TGFB1: variants seen among roughly 807,000 people sequenced by gnomAD.
TGFB1 encodes transforming growth factor beta-1 proprotein.
TGFB1 carries 19 observed loss-of-function variants against 43.8 expected under a neutral mutation model. That is an observed-to-expected ratio of 0.43 (90% confidence interval 0.30 to 0.64). TGFB1 has a LOEUF of 0.64. TGFB1 is among the 30% of genes least tolerant of loss of function. TGFB1 has a pLI of 0.11. For synonymous variants in TGFB1, 221 were observed against 236.3 expected, an observed-to-expected ratio of 0.94 and a Z score of 0.60; for missense variants, 445 against 529.8, an observed-to-expected ratio of 0.84 and a Z score of 1.57.
At position 41,348,356 on chromosome 19, in the gene TGFB1, C is replaced by A. The variant is rs765327656; in HGVS notation, c.455G>T (p.Arg152Leu). ...EAVPEPVLLSRAELRLLRLKL... is the reference protein window; with the variant it reads ...EAVPEPVLLSLAELRLLRLKL... ...GAGCCTCAGCAGACGCAGCTCTGCC[C>A]GGGAGAGCAACACGGGTTCAGGTAC... The change falls in exon 2 of 7, where the codon CGG becomes CTG. Residue 152 changes from arginine to leucine, a missense_variant. Around this residue, in one of 3 missense-constraint regions of TGFB1, gnomAD observed 366 missense variants for 428.8 expected, o/e 0.85. Coordinates refer to ENST00000221930, the MANE Select transcript of TGFB1 (RefSeq NM_000660.7). 1.2e-6 allele frequency: 2 copies of A among 1,613,504 alleles called. No homozygotes were observed. The highest frequency in any genetic ancestry group is 8.5e-7 in the Non-Finnish European group (1 of 1,179,800).
chr19:41,352,298 G>A (rs1423953254), intron 1 of TGFB1, among the ~76,000 whole-genome samples: 1 of 150,766 alleles, frequency 6.6e-6, no homozygotes. Flanking sequence ...TGGGGTCTTC[G>A]CTTCTCCCAC....
chr19:41,344,142 A>G (rs572846535), intron 3 of TGFB1, among the ~76,000 whole-genome samples: 1 of 151,936 alleles, frequency 6.6e-6, no homozygotes, highest in African/African-American at 2.4e-5. Flanking sequence ...AACAGCATGC[A>G]TGGCTAATTT....
chr19:41,335,621 A>G (rs1372253468), intron 5 of TGFB1, among the ~76,000 whole-genome samples: 3 of 152,180 alleles, frequency 2.0e-5, no homozygotes, highest in African/African-American at 7.2e-5. Context: ...TTCAGCACAC[A>G]TTCGGGGCCT....
In TGFB1 at chr19:41,353,080, C is replaced by T. The variant is rs200135233; in HGVS notation, c.-36G>A. On this transcript the variant is annotated 5_prime_UTR_variant, in exon 1 of 7. Transcript: ENST00000221930. This position sits in a 1 kb window ranked among gnomAD's most constrained non-coding sequence, Gnocchi z 5.9. Reference sequence around the variant, plus strand: ...GCGCCCCCCGGCACTGCCGAGAGCGCGAACAGGGCTGGTGTGGTGGGGAGG... The same window carrying T: ...GCGCCCCCCGGCACTGCCGAGAGCGTGAACAGGGCTGGTGTGGTGGGGAGG... 9.1e-5 allele frequency: 137 copies of T among 1,497,784 alleles called. No homozygotes were observed. The highest frequency in any genetic ancestry group is 1.1e-4 in the Non-Finnish European group (119 of 1,129,090). 92.8% of individuals were successfully genotyped at this position (1,497,784 alleles called of 1,614,324 possible).
Position 41,352,785 on chromosome 19 carries a change from C to G in TGFB1, c.260G>C (p.Arg87Pro), listed in dbSNP as rs751073303. The change falls in exon 1 of 7, where the codon CGG becomes CCG. Residue 87 changes from arginine to proline, a missense_variant. By Grantham distance (103) the Arg-to-Pro change is moderately radical (BLOSUM62 -2). This residue lies in a region of TGFB1 where 366 missense variants were observed against 428.8 expected (regional missense o/e 0.85). Transcript: ENST00000221930. ...CGGTTCTGCACTCTCCCCGGCCACCCGGTCGCGGGTGCTGTTGTACAGGGC... is the reference window on the plus strand; with the variant it reads ...CGGTTCTGCACTCTCCCCGGCCACCGGGTCGCGGGTGCTGTTGTACAGGGC... ...VLALYNSTRD[R>P]VAGESAEPEP... The G allele has an allele frequency of 6.2e-7, 1 of 1,609,874 alleles. No individual in the cohort carries two copies. The highest frequency in any genetic ancestry group is 1.1e-5 in the South Asian group (1 of 90,748).
Position 41,348,416 on chromosome 19 carries a change from T to G in TGFB1, c.395A>C (p.Tyr132Ser), listed in dbSNP as rs200481365. The G allele has an allele frequency of 6.2e-7, 1 of 1,613,006 alleles. No homozygotes were observed. The highest frequency in any genetic ancestry group is 1.3e-5 in the African/African-American group (1 of 74,798). Residue 132 changes from tyrosine to serine, a missense_variant, in exon 2 of 7, where the codon TAT becomes TCT. Physicochemically the swap from Tyr to Ser is moderately radical, Grantham distance 144. Transcript: ENST00000221930. ...GAGCTCTGATGTGTTGAAGAACATA[T>G]ATATGCTGTGTGTACTCTGCTTGAA... ...DKFKQSTHSI[Y>S]MFFNTSELRE...
intron 5 of TGFB1, among the ~76,000 whole-genome samples, chr19:41,335,234 A>G (rs1358949097): frequency 2.6e-5 from 4 of 151,948 alleles, no homozygotes; most frequent in Non-Finnish European, 5.9e-5. Context: ...TTGTATTTTT[A>G]GTAGAGGCTG....
intron 1 of TGFB1, among the ~76,000 whole-genome samples, chr19:41,351,804 T>TGGGGGGACTCGCTGCTC (rs61023216): frequency 4.6e-5 from 7 of 151,414 alleles, no homozygotes; most frequent in Non-Finnish European, 1.0e-4. Flanking sequence ...CTGCGGGGAA[T>TGGGGGGACTCGCTGCTC]GCAGCGTGGA....
In TGFB1 at chr19:41,353,349, C is replaced by T; in HGVS notation, c.-305G>A. The T allele has an allele frequency of 3.1e-6, 1 of 325,834 alleles. No homozygotes were observed. The highest frequency in any genetic ancestry group is 5.6e-6 in the Non-Finnish European group (1 of 177,462). The allele number at this position is 325,834 out of a possible 1,614,324, so 20.2% of individuals were successfully genotyped here. A position where few individuals can be genotyped will look rare whatever the true frequency, so the allele number is the denominator to read the frequency against. On this transcript the variant is annotated 5_prime_UTR_variant, in exon 1 of 7. Transcript: ENST00000221930. This position sits in a 1 kb window ranked among gnomAD's most constrained non-coding sequence, Gnocchi z 5.9. ...CCTGGAGGAGAAAGGGTCTAGGATG[C>T]GCGGGGGCTCAGGAGACAGGCCGGG...
Position 41,332,146 on chromosome 19 carries a change from C to G in TGFB1, c.996G>C (p.Leu332=). Residue 332 remains leucine (L), a synonymous_variant, in exon 6 of 7, where the codon CTG becomes CTC. Transcript: ENST00000221930. ...GACGTACCTTGCTGTACTGCGTGTC[C>G]AGGCTCCAAATGTAGGGGCAGGGCC... ...CLGPCPYIWS[L]DTQYSKVLAL... is the part of the protein sequence containing the mutation. 1 of 1,614,004 alleles carries G rather than the reference C, an allele frequency of 6.2e-7. No homozygotes were observed. The highest frequency in any genetic ancestry group is 1.1e-5 in the South Asian group (1 of 91,078).
At chr19:41,339,429 A>G (rs1473625906) in intron 5 of TGFB1, among the ~76,000 whole-genome samples, 1 of 150,306 alleles carries the variant, frequency 6.7e-6, no homozygotes, top group Non-Finnish European at 1.5e-5. Context: ...TTCAGGTTTG[A>G]TTTTTTGCCA....
intron 6 of TGFB1, 190 bp downstream of exon 6, chr19:41,331,938 C>A (rs1042138316): frequency 4.1e-6 from 3 of 729,674 alleles, no homozygotes; most frequent in South Asian, 1.9e-5. Flanking sequence ...CCCTCTGGCC[C>A]CTGCTCAGAG....
At position 41,330,976 on chromosome 19, in the gene TGFB1, C is replaced by T; in HGVS notation, c.*76G>A. The T allele has an allele frequency of 1.5e-6, 2 of 1,347,162 alleles. No individual in the cohort carries two copies. Among genetic ancestry groups the T allele is most frequent in the Non-Finnish European group, 2.0e-6 (2 of 1,024,702 alleles). 83.5% of individuals were successfully genotyped at this position (1,347,162 alleles called of 1,614,324 possible). A position where few individuals can be genotyped will look rare whatever the true frequency, so the allele number is the denominator to read the frequency against. Reference sequence around the variant, plus strand: ...GGGGCACGGGTGTCCTTAAATACAGCCCCCATGGGCAAGGCAGCGGGGGCG... The same window carrying T: ...GGGGCACGGGTGTCCTTAAATACAGTCCCCATGGGCAAGGCAGCGGGGGCG... On this transcript the variant is annotated 3_prime_UTR_variant, in exon 7 of 7. Transcript: ENST00000221930.
Position 41,353,064 on chromosome 19 carries a change from G to A in TGFB1, c.-20C>T, listed in dbSNP as rs756013122. The A allele has an allele frequency of 4.6e-6, 7 of 1,511,844 alleles. No homozygotes were observed. The highest frequency in any genetic ancestry group is 1.9e-4 in the Middle Eastern group (1 of 5,320). 93.7% of individuals were successfully genotyped at this position (1,511,844 alleles called of 1,614,324 possible). A position where few individuals can be genotyped will look rare whatever the true frequency, so the allele number is the denominator to read the frequency against. On this transcript the variant is annotated 5_prime_UTR_variant, in exon 1 of 7. Coordinates refer to ENST00000221930, the MANE Select transcript of TGFB1 (RefSeq NM_000660.7). This position sits in a 1 kb window ranked among gnomAD's most constrained non-coding sequence, Gnocchi z 5.9. ...CGGCATGGGGGAGGCGGCGCCCCCC[G>A]GCACTGCCGAGAGCGCGAACAGGGC... is the stretch of plus-strand genomic sequence containing the variant.
chr19:41,348,162 T>C (rs1299184017), intron 2 of TGFB1, 133 bp downstream of exon 2: 45 of 1,005,140 alleles, frequency 4.5e-5, no homozygotes, highest in Non-Finnish European at 6.4e-5. Context: ...TAGGATTGTA[T>C]GGTTTGTGTT....
In TGFB1 at chr19:41,342,206, C is replaced by T. The variant is rs202088345; in HGVS notation, c.676G>A (p.Asp226Asn). The T allele has an allele frequency of 3.1e-6, 5 of 1,607,826 alleles. No individual in the cohort carries two copies. The African/African-American group carries it at 5.4e-5, about 17-fold the overall frequency. The change falls in exon 4 of 7, where the codon GAC (aspartate) becomes AAC (asparagine). Residue 226 changes from aspartate to asparagine, a missense_variant. Physicochemically the swap from Asp to Asn is conservative, Grantham distance 23 (BLOSUM62 1). Coordinates refer to ENST00000221930, the MANE Select transcript of TGFB1 (RefSeq NM_000660.7). ...ACTTGCAGTGTGTTATCCCTGCTGT[C>T]ACAGGAGCAGTGGGCGCTAAGGCGA... Reference protein sequence around the residue: ...GFRLSAHCSCDSRDNTLQVDI... With the variant: ...GFRLSAHCSCNSRDNTLQVDI...
chr19:41,347,849 A>G (rs1372672289), intron 2 of TGFB1, among the ~76,000 whole-genome samples: 2 of 132,592 alleles, frequency 1.5e-5, no homozygotes, highest in Non-Finnish European at 3.2e-5. Context: ...AAAAAAAAAA[A>G]GAGGCCAGGC....
At chr19:41,335,567 G>C (rs998341271) in intron 5 of TGFB1, among the ~76,000 whole-genome samples, 15 of 152,192 alleles carry the variant, frequency 9.9e-5, no homozygotes, top group Non-Finnish European at 1.0e-4. Flanking sequence ...GGGAACAACA[G>C]TCCGTGTTGA....
intron 2 of TGFB1, among the ~76,000 whole-genome samples, chr19:41,346,867 A>G (rs1445095594): frequency 2.0e-5 from 3 of 151,984 alleles, no homozygotes. Context: ...CTGGGATTAC[A>G]GGTGCCTGCC....
Sources: gnomAD v4.1 joint callset for allele counts (sites outside exome capture counted in the v4.1 genomes callset) on GRCh38, gnomAD v4.1.1 for gene constraint, gnomAD v4.1.1 regional missense constraint, Gnocchi (gnomAD v3.1) non-coding constraint, MANE v1.5 for transcripts, NCBI Gene and HGNC (gene_info 2026-07-23, HGNC 2026-07-21) for gene names.